Variants in RHEX observed in about 807,000 individuals in gnomAD.
The protein encoded by RHEX is regulator of hemoglobinization and erythroid cell expansion.
RHEX carries 18 observed loss-of-function variants against 20.1 expected under a neutral mutation model. That is an observed-to-expected ratio of 0.90 (90% confidence interval 0.62 to 1.33). The LOEUF (loss-of-function observed/expected upper bound fraction) is 1.33. RHEX is among the 40% of genes most tolerant of loss of function. The pLI is 0.00. For missense variants in RHEX, 192 were observed against 214.3 expected, an observed-to-expected ratio of 0.90 and a Z score of 0.65; for synonymous variants, 87 against 77.1, an observed-to-expected ratio of 1.13 and a Z score of -0.67.
intron 1 of RHEX, chr1:206,060,336 A>G (rs1218891572): frequency 6.6e-6 from 1 of 152,244 alleles, no homozygotes; most frequent in Non-Finnish European, 1.5e-5. Context: ...GCTCATTTGC[A>G]TAGGTGTGCA....
intron 1 of RHEX, among the ~76,000 whole-genome samples, chr1:206,064,161 G>A (rs1662365934): frequency 7.1e-6 from 1 of 141,020 alleles, no homozygotes; most frequent in African/African-American, 2.8e-5. Context: ...CCCGGCAGCC[G>A]CCCCGTCTGA....
intron 4 of RHEX, 94 bp from the exon 5 acceptor site, chr1:206,101,042 T>C (rs1231953318): frequency 3.0e-6 from 3 of 1,004,748 alleles, no homozygotes; most frequent in Non-Finnish European, 4.5e-6. Flanking sequence ...TGTCTTTATC[T>C]GATAATAAGA....
intron 1 of RHEX, among the ~76,000 whole-genome samples, chr1:206,070,814 C>T: frequency 6.6e-6 from 1 of 152,318 alleles, no homozygotes; most frequent in Non-Finnish European, 1.5e-5. Flanking sequence ...CACCCCTGTC[C>T]TATCAGCCGT....
intron 1 of RHEX, among the ~76,000 whole-genome samples, chr1:206,071,227 AGG>A (rs1403575601): frequency 1.3e-5 from 2 of 152,166 alleles, no homozygotes; most frequent in African/African-American, 4.8e-5. Flanking sequence ...CTAATGTTCA[AGG>A]GCAGGAAGAA....
chr1:206,066,701 G>C (rs1056067980), intron 1 of RHEX, among the ~76,000 whole-genome samples: 3 of 152,222 alleles, frequency 2.0e-5, no homozygotes, highest in Admixed American at 2.0e-4. Context: ...ACAGAAGGGA[G>C]AGGCTGAGAT....
chr1:206,092,042 T>TTCTCTCTTTCTCTC, intron 1 of RHEX, among the ~76,000 whole-genome samples: 1 of 150,882 alleles, frequency 6.6e-6, no homozygotes. Flanking sequence ...TTCTCTTTCT[T>TTCTCTCTTTCTCTC]TCTCTCTTTC....
chr1:206,058,327 A>G (rs1558167356), intron 1 of RHEX, among the ~76,000 whole-genome samples: 1 of 152,272 alleles, frequency 6.6e-6, no homozygotes, highest in Non-Finnish European at 1.5e-5. Flanking sequence ...GCACAAGCAT[A>G]CTATATAAAT....
intron 1 of RHEX, among the ~76,000 whole-genome samples, chr1:206,077,943 A>G (rs1662666554): frequency 6.6e-6 from 1 of 152,224 alleles, no homozygotes; most frequent in Non-Finnish European, 1.5e-5. Context: ...TGGTGATGCC[A>G]AATAGCCAGA....
rs2102299423 is a variant in RHEX at position 206,053,280 on chromosome 1, T to C, written c.-97+15T>C. 1 of 152,958 alleles carries C rather than the reference T, an allele frequency of 6.5e-6. No homozygotes were observed. Among genetic ancestry groups the C allele is most frequent in the African/African-American group, 2.4e-5 (1 of 41,588 alleles). The allele number at this position is 152,958 out of a possible 1,614,324, so 9.5% of individuals were successfully genotyped here. ...TCTGAAACTTGGTAAGACTAGTCTT[T>C]GGAACTTGCCCCACTCCATCTAGGT... On this transcript the variant is annotated intron_variant, in intron 1 of 5. Transcript: ENST00000331555.
At chr1:206,092,155 C>A (rs1169954452) in intron 1 of RHEX, among the ~76,000 whole-genome samples, 6 of 151,924 alleles carry the variant, frequency 3.9e-5, no homozygotes, top group Non-Finnish European at 8.8e-5. Flanking sequence ...AACTCCTGGG[C>A]TCAAGCTATT....
intron 1 of RHEX, among the ~76,000 whole-genome samples, chr1:206,071,083 A>C (rs1221810465): frequency 1.3e-5 from 2 of 152,204 alleles, no homozygotes; most frequent in Non-Finnish European, 2.9e-5. Flanking sequence ...GGAACAAGGA[A>C]GCCAGCCGGA....
chr1:206,073,976 A>T (rs1553284934), intron 1 of RHEX, among the ~76,000 whole-genome samples: 1 of 152,102 alleles, frequency 6.6e-6, no homozygotes, highest in Non-Finnish European at 1.5e-5. Context: ...GGGCCTCCGT[A>T]ATCCGGCCCA....
rs150295386 is a variant in RHEX at position 206,079,309 on chromosome 1, T to C, written c.-96-18424T>C. Among the ~76,000 whole-genome samples, 375 of 152,324 alleles carry C rather than the reference T, an allele frequency of 2.5e-3. 4 individuals carry two copies. The highest frequency in any genetic ancestry group is 8.4e-3 in the African/African-American group (348 of 41,564). On this transcript the variant is annotated intron_variant, in intron 1 of 5. Coordinates refer to ENST00000331555, the MANE Select transcript of RHEX (RefSeq NM_001007544.4). ...TGAAATAGATACACTCAAATGCTGC[T>C]AGTGGTGTAGTAAAACAGACTTGAA...
At chr1:206,075,272 A>G (rs192930926) in intron 1 of RHEX, among the ~76,000 whole-genome samples, 1 of 152,370 alleles carries the variant, frequency 6.6e-6, no homozygotes, top group East Asian at 1.9e-4. Flanking sequence ...TGTGCTGAAT[A>G]TGATGAACAG....
chr1:206,092,099 T>G (rs1396845740), intron 1 of RHEX, among the ~76,000 whole-genome samples: 1 of 152,052 alleles, frequency 6.6e-6, no homozygotes, highest in Non-Finnish European at 1.5e-5. Flanking sequence ...CTTTCTTTTC[T>G]TTTTAATAGA....
At chr1:206,055,841 C>A (rs944420958) in intron 1 of RHEX, among the ~76,000 whole-genome samples, 6 of 152,284 alleles carry the variant, frequency 3.9e-5, no homozygotes, top group Non-Finnish European at 7.3e-5. Flanking sequence ...GGGCCCTGGC[C>A]AAGGCCAGTG....
rs186540851 is a variant in RHEX at position 206,084,706 on chromosome 1, G to A, written c.-96-13027G>A. ...CTACCCAATTAAATGCCTTGAGTAGGATCTGTTACATAATTGGTGGCACAC... is the reference window on the plus strand; with the variant it reads ...CTACCCAATTAAATGCCTTGAGTAGAATCTGTTACATAATTGGTGGCACAC... On this transcript the variant is annotated intron_variant, in intron 1 of 5. Transcript: ENST00000331555. 6.4e-3 allele frequency among the ~76,000 whole-genome samples: 976 copies of A among 152,230 alleles called. 7 individuals carry two copies. Among genetic ancestry groups the A allele is most frequent in the Admixed American group, 7.5e-3 (115 of 15,288 alleles).
intron 1 of RHEX, chr1:206,083,796 C>T (rs1662783537): frequency 4.3e-6 from 1 of 234,098 alleles, no homozygotes; most frequent in Non-Finnish European, 7.0e-6. Flanking sequence ...AATCAGCTTA[C>T]AGTGAGCCTA....
chr1:206,098,226 C>T, intron 3 of RHEX, 45 bp downstream of exon 3: 1 of 1,379,006 alleles, frequency 7.3e-7, no homozygotes, highest in South Asian at 1.2e-5. Flanking sequence ...CTCTCAGAGA[C>T]CATTCTCGAG....
Sources: gnomAD v4.1 joint callset for allele counts (sites outside exome capture counted in the v4.1 genomes callset) on GRCh38, gnomAD v4.1.1 for gene constraint, MANE v1.5 for transcripts, NCBI Gene and HGNC (gene_info 2026-07-23, HGNC 2026-07-21) for gene names.